CNTN1: variants seen among roughly 807,000 people sequenced by gnomAD.
CNTN1 encodes the protein contactin-1.
Under a neutral mutation model 126.4 loss-of-function variants are expected in CNTN1, and 38 were observed. That is an observed-to-expected ratio of 0.30 (90% CI 0.23 to 0.39). The LOEUF is 0.39. Ranked by LOEUF, CNTN1 falls within the 10% of genes least tolerant of loss-of-function variation. The probability of loss-of-function intolerance (pLI) is 1.00; values close to 1 mark genes in which losing one functional copy is unlikely to be tolerated. For missense variants in CNTN1, 1,009 were observed against 1,248.4 expected (o/e 0.81, Z 2.89); for synonymous variants, 413 against 422.6 (o/e 0.98, Z 0.28).
intron 15 of CNTN1, among the ~76,000 whole-genome samples, chr12:40,973,487 T>G (rs908232499): frequency 5.3e-5 from 8 of 152,138 alleles, no homozygotes; most frequent in African/African-American, 1.9e-4. Flanking sequence ...GAAAAGTTTT[T>G]TGTTTCCTTA....
intron 14 of CNTN1, among the ~76,000 whole-genome samples, chr12:40,948,254 C>CTT (rs1351564954): frequency 2.5e-4 from 15 of 59,730 alleles, no homozygotes; most frequent in African/African-American, 7.9e-4. Context: ...GTTTTTCTTT[C>CTT]TTTCTTTTTT....
At chr12:40,780,153 A>G (rs1020088864) in intron 1 of CNTN1, among the ~76,000 whole-genome samples, 14 of 151,954 alleles carry the variant, frequency 9.2e-5, no homozygotes, top group Middle Eastern at 3.2e-3. Context: ...CAGTACAGGT[A>G]TATGGAAGAA....
chr12:40,936,952 A>G, intron 10 of CNTN1, 47 bp downstream of exon 10: 2 of 1,609,184 alleles, frequency 1.2e-6, no homozygotes, highest in South Asian at 1.1e-5. Flanking sequence ...CTGTTCAAGC[A>G]GTGTTTCAGG....
At chr12:40,843,689 A>G (rs1482459697) in intron 1 of CNTN1, among the ~76,000 whole-genome samples, 1 of 152,240 alleles carries the variant, frequency 6.6e-6, no homozygotes, top group African/African-American at 2.4e-5. Context: ...TTAAAGGGCA[A>G]ATTATATAAT....
intron 14 of CNTN1, among the ~76,000 whole-genome samples, chr12:40,947,232 T>C (rs1472438930): frequency 6.6e-6 from 1 of 152,064 alleles, no homozygotes; most frequent in Non-Finnish European, 1.5e-5. Flanking sequence ...TATATTAATA[T>C]GTAATAATTG....
At chr12:40,859,222 A>T (rs985185664) in intron 1 of CNTN1, among the ~76,000 whole-genome samples, 1 of 152,148 alleles carries the variant, frequency 6.6e-6, no homozygotes, top group African/African-American at 2.4e-5. Context: ...GAATAGACCC[A>T]TAAGTAGGTA....
intron 23 of CNTN1, among the ~76,000 whole-genome samples, chr12:41,057,017 A>AAT (rs1566235078): frequency 8.3e-5 from 5 of 60,540 alleles, no homozygotes; most frequent in South Asian, 3.8e-4. Context: ...GATATTTATA[A>AAT]ATGATATTTA....
At chr12:40,880,183 G>T (rs1482902197) in intron 1 of CNTN1, among the ~76,000 whole-genome samples, 1 of 151,964 alleles carries the variant, frequency 6.6e-6, no homozygotes, top group Non-Finnish European at 1.5e-5. Flanking sequence ...TTATATAGTG[G>T]ATACATACTA....
intron 1 of CNTN1, among the ~76,000 whole-genome samples, chr12:40,816,283 G>A (rs1420603234): frequency 6.6e-6 from 1 of 152,134 alleles, no homozygotes; most frequent in African/African-American, 2.4e-5. Context: ...CTGGTCCTGG[G>A]CTTTTTTTGG....
At chr12:41,041,445 G>A (rs1949407318) in intron 23 of CNTN1, among the ~76,000 whole-genome samples, 1 of 152,118 alleles carries the variant, frequency 6.6e-6, no homozygotes, top group South Asian at 2.1e-4. Context: ...GAGTTAGGGA[G>A]GATTCCCTCT....
intron 4 of CNTN1, among the ~76,000 whole-genome samples, 176 bp downstream of exon 4, chr12:40,918,947 C>T (rs984656162): frequency 6.6e-6 from 1 of 152,100 alleles, no homozygotes; most frequent in Non-Finnish European, 1.5e-5. Context: ...AGCAGATTTT[C>T]TTAAATATAT....
chr12:40,910,906 A>C (rs1196026253), intron 3 of CNTN1, among the ~76,000 whole-genome samples: 1 of 152,206 alleles, frequency 6.6e-6, no homozygotes, highest in Non-Finnish European at 1.5e-5. Context: ...CTGAACAACC[A>C]GTGCTAGAAC....
intron 14 of CNTN1, among the ~76,000 whole-genome samples, chr12:40,951,804 A>G (rs1412474627): frequency 6.6e-6 from 1 of 151,814 alleles, no homozygotes; most frequent in Admixed American, 6.6e-5. Flanking sequence ...TTGAGATTCA[A>G]GCTAATGTCT....
At chr12:40,711,071 C>A (rs560517360) in intron 1 of CNTN1, among the ~76,000 whole-genome samples, 53 of 152,258 alleles carry the variant, frequency 3.5e-4, no homozygotes, top group Non-Finnish European at 5.9e-4. Flanking sequence ...ATTTCTACAG[C>A]TATCCTTTAA....
chr12:40,886,925 A>C (rs1944055175), intron 1 of CNTN1, among the ~76,000 whole-genome samples: 2 of 152,030 alleles, frequency 1.3e-5, no homozygotes, highest in South Asian at 4.2e-4. Context: ...CCATTGATCT[A>C]TATCTCTGTT....
At chr12:40,717,020 T>A (rs921018094) in intron 1 of CNTN1, among the ~76,000 whole-genome samples, 1 of 152,216 alleles carries the variant, frequency 6.6e-6, no homozygotes, top group Non-Finnish European at 1.5e-5. Flanking sequence ...TTAATAGATG[T>A]GTACAAAGTC....
intron 1 of CNTN1, among the ~76,000 whole-genome samples, chr12:40,784,221 G>C (rs370529131): frequency 1.3e-5 from 2 of 152,056 alleles, no homozygotes; most frequent in South Asian, 2.1e-4. Flanking sequence ...TTCATATGGC[G>C]CTATCAATAT....
At chr12:40,801,976 G>C (rs1046416119) in intron 1 of CNTN1, among the ~76,000 whole-genome samples, 7 of 151,756 alleles carry the variant, frequency 4.6e-5, no homozygotes, top group Non-Finnish European at 8.8e-5. Flanking sequence ...AAAGTAGATG[G>C]AAGATGGATA....
chr12:40,882,869 A>T (rs1295425630), intron 1 of CNTN1, among the ~76,000 whole-genome samples: 1 of 151,614 alleles, frequency 6.6e-6, no homozygotes, highest in Non-Finnish European at 1.5e-5. Flanking sequence ...TGCTTTGCAC[A>T]TATGAAGCTT....
Sources: gnomAD v4.1 joint callset for allele counts (sites outside exome capture counted in the v4.1 genomes callset) on GRCh38, gnomAD v4.1.1 for gene constraint, MANE v1.5 for transcripts, NCBI Gene and HGNC (gene_info 2026-07-23, HGNC 2026-07-21) for gene names.